SOX6: variants seen among roughly 807,000 people sequenced by gnomAD.
SOX6 encodes SRY-box transcription factor 6.
A neutral mutation model predicts 97.8 loss-of-function variants in SOX6; 11 were observed. That is an observed-to-expected ratio of 0.11 (90% CI 0.07 to 0.19). SOX6 has a LOEUF of 0.19. SOX6 is among the 10% of genes least tolerant of loss of function. The pLI is 1.00. For missense variants in SOX6, 810 were observed against 1,039.5 expected (o/e 0.78, Z 3.04); for synonymous variants, 360 against 371.4 (o/e 0.97, Z 0.35).
chr11:16,316,469 A>G (rs1855761544), intron 3 of SOX6: 2 of 151,900 alleles, frequency 1.3e-5, no homozygotes, highest in Non-Finnish European at 1.5e-5. Flanking sequence ...GAGTATGAAA[A>G]CATTCATTAC....
chr11:16,482,290 T>C (rs191404870), intron 4 of SOX6, among the ~76,000 whole-genome samples: 9 of 152,284 alleles, frequency 5.9e-5, no homozygotes, highest in Non-Finnish European at 1.2e-4. Flanking sequence ...TAAAATCAAA[T>C]CGCCTTTAAA....
chr11:15,986,081 C>G, intron 15 of SOX6, 123 bp downstream of exon 15: 1 of 928,674 alleles, frequency 1.1e-6, no homozygotes, highest in Non-Finnish European at 1.8e-6. Flanking sequence ...CATGGCCAAG[C>G]CCCTTCAGTA....
At position 16,348,393 on chromosome 11, in the gene SOX6, T is replaced by A. The variant is rs962899431; in HGVS notation, c.-4-7141A>T. Among the ~76,000 whole-genome samples, 4 of 152,108 alleles carry A rather than the reference T, an allele frequency of 2.6e-5. No individual in the cohort carries two copies. The East Asian group carries it at 5.8e-4, about 22-fold the overall frequency. Reference sequence around the variant, plus strand: ...GTGATCAGCAAAGTGCAAACATAATTACCATGAAGAAAACAAAATATCAAA... The same window carrying A: ...GTGATCAGCAAAGTGCAAACATAATAACCATGAAGAAAACAAAATATCAAA... On this transcript the variant is annotated intron_variant, in intron 1 of 15. Transcript: ENST00000683767.
At chr11:16,016,511 T>C (rs896646160) in intron 12 of SOX6, among the ~76,000 whole-genome samples, 2 of 151,880 alleles carry the variant, frequency 1.3e-5, no homozygotes, top group Non-Finnish European at 2.9e-5. Context: ...AAAAACCAAG[T>C]TAAGTATGGT....
intron 3 of SOX6, among the ~76,000 whole-genome samples, chr11:16,272,301 A>T (rs1488009927): frequency 6.6e-6 from 1 of 151,638 alleles, no homozygotes; most frequent in African/African-American, 2.4e-5. Context: ...CAGAAACCAA[A>T]AAAAGGGGGG....
At chr11:16,318,368 C>G in intron 3 of SOX6, 78 bp downstream of exon 3, 1 of 1,393,792 alleles carries the variant, frequency 7.2e-7, no homozygotes, top group Non-Finnish European at 1.0e-6. Flanking sequence ...CCCTTGAAAT[C>G]CCACTTTTTT....
chr11:16,182,073 A>G (rs1405234821), intron 6 of SOX6, among the ~76,000 whole-genome samples: 4 of 151,806 alleles, frequency 2.6e-5, no homozygotes, highest in African/African-American at 7.2e-5. Context: ...GATGTAGTCA[A>G]TTTATACTAC....
At chr11:16,296,832 T>G (rs1255025380) in intron 3 of SOX6, among the ~76,000 whole-genome samples, 1 of 152,054 alleles carries the variant, frequency 6.6e-6, no homozygotes, top group East Asian at 1.9e-4. Context: ...TCCACTATCA[T>G]TACTGGGTAA....
At chr11:16,385,927 G>C (rs1857970109) in intron 1 of SOX6, among the ~76,000 whole-genome samples, 1 of 152,118 alleles carries the variant, frequency 6.6e-6, no homozygotes, top group African/African-American at 2.4e-5. Flanking sequence ...TAAGAGGATA[G>C]TTTCATGTTT....
chr11:16,344,748 G>A (rs922094194), intron 1 of SOX6, among the ~76,000 whole-genome samples: 5 of 151,592 alleles, frequency 3.3e-5, no homozygotes, highest in African/African-American at 9.7e-5. Flanking sequence ...GGTCAATTTC[G>A]ATGTGACTTT....
intron 1 of SOX6, among the ~76,000 whole-genome samples, chr11:16,403,683 G>A (rs1329849513): frequency 6.6e-6 from 1 of 151,666 alleles, no homozygotes; most frequent in Non-Finnish European, 1.5e-5. Flanking sequence ...AAACAAGAAT[G>A]ATAAAAGGTC....
chr11:15,973,183 A>C, intron 15 of SOX6, 71 bp from the exon 16 acceptor site: 3 of 1,443,352 alleles, frequency 2.1e-6, no homozygotes. Context: ...CAGCATTGGA[A>C]TTCACACCCT....
chr11:16,242,645 CA>C (rs199779596), intron 3 of SOX6, among the ~76,000 whole-genome samples: 20 of 141,542 alleles, frequency 1.4e-4, no homozygotes, highest in African/African-American at 3.6e-4. Flanking sequence ...TAAAAAAAAA[CA>C]AAAAAAAAAC....
At chr11:16,259,977 A>G (rs1853829875) in intron 3 of SOX6, among the ~76,000 whole-genome samples, 2 of 107,188 alleles carry the variant, frequency 1.9e-5, no homozygotes, top group South Asian at 3.3e-4. Flanking sequence ...GTGTGTGTAT[A>G]TATACACATA....
At chr11:15,995,000 A>G (rs1000266365) in intron 13 of SOX6, among the ~76,000 whole-genome samples, 1 of 152,202 alleles carries the variant, frequency 6.6e-6, no homozygotes, top group African/African-American at 2.4e-5. Context: ...TCTGGTCTTC[A>G]TAGCATGGAG....
chr11:16,618,009 G>A (rs2133986796), intron 3 of SOX6, among the ~76,000 whole-genome samples: 1 of 151,816 alleles, frequency 6.6e-6, no homozygotes, highest in East Asian at 1.9e-4. Context: ...TATTTTTAAA[G>A]TAATTATTGC....
At chr11:16,594,723 C>T (rs1848192881) in intron 4 of SOX6, among the ~76,000 whole-genome samples, 1 of 105,766 alleles carries the variant, frequency 9.5e-6, no homozygotes, top group African/African-American at 3.7e-5. Flanking sequence ...CAGGGTCTCA[C>T]TCTGTCACCC....
At chr11:16,329,513 C>T (rs568827119) in intron 2 of SOX6, among the ~76,000 whole-genome samples, 14 of 152,248 alleles carry the variant, frequency 9.2e-5, no homozygotes, top group African/African-American at 2.4e-4. Flanking sequence ...AAAGTACAGG[C>T]GCCCTGGGCA....
rs1470924657 is a variant in SOX6 at position 16,181,760 on chromosome 11, GGTC to G, written c.777+2123_777+2125del. 3.3e-5 allele frequency among the ~76,000 whole-genome samples: 5 copies of G among 151,598 alleles called. No homozygotes were observed. The East Asian group carries it at 9.7e-4, about 29-fold the overall frequency. ...CAGGACAGAATGAACTATAAATACA[GGTC>G]TTATTGCTTTCTCTTATTTTTTAAA... On this transcript the variant is annotated intron_variant, in intron 6 of 15. Coordinates refer to ENST00000683767, the MANE Select transcript of SOX6 (RefSeq NM_001367873.1).
Sources: allele counts gnomAD v4.1 joint callset (sites outside exome capture counted in the v4.1 genomes callset), GRCh38; gene constraint gnomAD v4.1.1; transcripts MANE v1.5; gene names NCBI Gene and HGNC (gene_info 2026-07-23, HGNC 2026-07-21).